DLG2: variants seen among roughly 807,000 people sequenced by gnomAD.
DLG2 encodes the protein discs large MAGUK scaffold protein 2.
DLG2 carries 45 observed loss-of-function variants against 132.5 expected under a neutral mutation model. That is an observed-to-expected ratio of 0.34 (90% CI 0.27 to 0.44). The LOEUF is 0.44. Ranked by LOEUF, DLG2 falls within the 20% of genes least tolerant of loss-of-function variation. The pLI is 1.00. For missense variants in DLG2, 1,045 were observed against 1,196.9 expected (o/e 0.87, Z 1.87); for synonymous variants, 424 against 419.6 (o/e 1.01, Z -0.13).
At chr11:84,052,860 T>C (rs2096421048) in intron 11 of DLG2, among the ~76,000 whole-genome samples, 1 of 151,992 alleles carries the variant, frequency 6.6e-6, no homozygotes. Context: ...TGGAAGATAG[T>C]CCTCAAAGAC....
chr11:83,756,080 A>G (rs866143103), intron 18 of DLG2, among the ~76,000 whole-genome samples: 3 of 151,356 alleles, frequency 2.0e-5, no homozygotes, highest in African/African-American at 7.4e-5. Flanking sequence ...TTACTTTATA[A>G]GCTCTAGAGC....
rs575366654 is a variant in DLG2 at position 85,587,298 on chromosome 11, T to C, written c.40+11359A>G. ...CCTCTCTAGTGCTGTCAGTGAAGCA[T>C]TGAAGTCCCCCACTATTATTGTGTT... On this transcript the variant is annotated intron_variant, in intron 3 of 27. Transcript: ENST00000376104. 3.7e-4 allele frequency among the ~76,000 whole-genome samples: 56 copies of C among 152,302 alleles called. No homozygotes were observed. In the South Asian group the frequency reaches 3.7e-3, roughly 10 times the overall value.
At chr11:84,515,969 A>C (rs1321151954) in intron 7 of DLG2, among the ~76,000 whole-genome samples, 1 of 110,460 alleles carries the variant, frequency 9.1e-6, no homozygotes, top group Non-Finnish European at 1.9e-5. Context: ...TGAAAATTAA[A>C]CAAACGTGTT....
At chr11:84,418,945 A>G (rs2098939218) in intron 7 of DLG2, among the ~76,000 whole-genome samples, 1 of 152,130 alleles carries the variant, frequency 6.6e-6, no homozygotes, top group Non-Finnish European at 1.5e-5. Context: ...TCTTTAGTAT[A>G]TGCAAAACTT....
At chr11:83,498,093 T>C (rs2094246554) in intron 21 of DLG2, among the ~76,000 whole-genome samples, 1 of 152,144 alleles carries the variant, frequency 6.6e-6, no homozygotes, top group African/African-American at 2.4e-5. Flanking sequence ...ACTATACTTT[T>C]CTGTATAATT....
At chr11:85,492,395 A>C (rs2093581263) in intron 3 of DLG2, among the ~76,000 whole-genome samples, 2 of 152,170 alleles carry the variant, frequency 1.3e-5, no homozygotes, top group South Asian at 4.1e-4. Context: ...CAAAAAACAA[A>C]CCACTAATAT....
chr11:85,019,048 C>G (rs1177467895), intron 6 of DLG2, among the ~76,000 whole-genome samples: 2 of 152,134 alleles, frequency 1.3e-5, no homozygotes, highest in Non-Finnish European at 2.9e-5. Context: ...ACTTGTAACT[C>G]AAAGCTGCTT....
chr11:85,421,780 C>T (rs2090333806), intron 3 of DLG2, among the ~76,000 whole-genome samples: 2 of 151,726 alleles, frequency 1.3e-5, no homozygotes, highest in African/African-American at 4.8e-5. Context: ...TTTTCTTGGT[C>T]CTCTGAGATT....
intron 25 of DLG2, among the ~76,000 whole-genome samples, chr11:83,467,762 AAACTAT>A (rs1246019763): frequency 2.0e-5 from 2 of 98,778 alleles, no homozygotes; most frequent in African/African-American, 8.4e-5. Flanking sequence ...AAAAAAATAA[AAACTAT>A]ATGTATATAT....
At chr11:83,488,715 A>G (rs2093670354) in intron 21 of DLG2, among the ~76,000 whole-genome samples, 1 of 152,008 alleles carries the variant, frequency 6.6e-6, no homozygotes, top group Non-Finnish European at 1.5e-5. Flanking sequence ...CTGAGCTCAG[A>G]TACGTCTTTT....
intron 6 of DLG2, among the ~76,000 whole-genome samples, chr11:84,641,649 G>C (rs2099665980): frequency 6.6e-6 from 1 of 152,016 alleles, no homozygotes; most frequent in Non-Finnish European, 1.5e-5. Context: ...TGGCTCCAAG[G>C]CCAGACTACC....
intron 3 of DLG2, among the ~76,000 whole-genome samples, chr11:85,325,672 A>T (rs1419200632): frequency 1.3e-5 from 1 of 75,942 alleles, no homozygotes; most frequent in African/African-American, 5.0e-5. Flanking sequence ...AAGATGGGGA[A>T]AAAACAGAAC....
intron 6 of DLG2, among the ~76,000 whole-genome samples, chr11:84,941,242 T>C (rs941550528): frequency 1.3e-5 from 2 of 152,208 alleles, no homozygotes; most frequent in Admixed American, 6.5e-5. Context: ...ATTTTTAAGA[T>C]TGTTTTAGCT....
chr11:85,017,320 A>T (rs567896926), intron 6 of DLG2, among the ~76,000 whole-genome samples: 1 of 147,350 alleles, frequency 6.8e-6, no homozygotes, highest in South Asian at 2.1e-4. Flanking sequence ...TCCTCATAAA[A>T]CTTGTCCAGG....
chr11:84,875,045 G>C lies in DLG2; in HGVS notation c.357+236616C>G, dbSNP rs1234111698. 4.7e-5 allele frequency among the ~76,000 whole-genome samples: 7 copies of C among 149,128 alleles called. No homozygotes were observed. In the East Asian group the frequency reaches 1.4e-3, roughly 29 times the overall value. On this transcript the variant is annotated intron_variant, in intron 6 of 27. Transcript: ENST00000376104. ...AAAAAAAAAAAAAAAAAAAGAGAAA[G>C]ATTTAGGAGTCAATATTGACTGATG... is the stretch of plus-strand genomic sequence containing the variant.
intron 6 of DLG2, among the ~76,000 whole-genome samples, chr11:84,840,115 T>C (rs185711462): frequency 2.0e-5 from 3 of 151,956 alleles, no homozygotes; most frequent in African/African-American, 7.2e-5. Context: ...ATATCCAGAA[T>C]CCACAAAGAA....
At chr11:85,438,736 T>C (rs77576327) in intron 3 of DLG2, among the ~76,000 whole-genome samples, 1,954 of 152,308 alleles carry the variant, frequency 0.013, 22 homozygotes, top group Non-Finnish European at 0.021. Context: ...TATACAATTT[T>C]ATCATGTACG....
At chr11:84,443,229 C>T (rs1269172743) in intron 7 of DLG2, among the ~76,000 whole-genome samples, 1 of 152,168 alleles carries the variant, frequency 6.6e-6, no homozygotes, top group Non-Finnish European at 1.5e-5. Context: ...CCTAATGTAA[C>T]ATTTACCTTC....
intron 6 of DLG2, among the ~76,000 whole-genome samples, chr11:84,901,959 T>C (rs2090943209): frequency 6.6e-6 from 1 of 152,124 alleles, no homozygotes; most frequent in African/African-American, 2.4e-5. Flanking sequence ...TCTGGAAATA[T>C]TTTGGGAGAT....
Sources: gnomAD v4.1 joint callset for allele counts (sites outside exome capture counted in the v4.1 genomes callset) on GRCh38, gnomAD v4.1.1 for gene constraint, MANE v1.5 for transcripts, NCBI Gene and HGNC (gene_info 2026-07-23, HGNC 2026-07-21) for gene names.